The following TCF12 variants were observed in gnomAD, a reference collection of about 807,000 sequenced individuals.
The protein encoded by TCF12 is DNA-binding protein HTF4.
Under a neutral mutation model 86.0 loss-of-function variants are expected in TCF12, and 45 were observed. That is an observed-to-expected ratio of 0.52 (90% CI 0.41 to 0.67). The LOEUF (loss-of-function observed/expected upper bound fraction) is 0.67, where lower values mean the gene tolerates loss of function less well. Ranked by LOEUF, TCF12 falls within the 30% of genes least tolerant of loss-of-function variation. TCF12 has a pLI of 0.00. For missense variants in TCF12, 881 were observed against 859.9 expected (o/e 1.02, Z -0.31); for synonymous variants, 330 against 299.6 (o/e 1.10, Z -1.05).
chr15:57,036,743 C>G (rs142252144), intron 3 of TCF12, among the ~76,000 whole-genome samples: 4 of 152,192 alleles, frequency 2.6e-5, no homozygotes, highest in African/African-American at 9.6e-5. Context: ...ATTCTAAATA[C>G]AAATTCCTTA....
intron 20 of TCF12, among the ~76,000 whole-genome samples, chr15:57,283,611 T>C (rs2061795517): frequency 1.3e-5 from 2 of 152,216 alleles, no homozygotes; most frequent in African/African-American, 2.4e-5. Flanking sequence ...GTAGTTTTTT[T>C]CCCAATTTTA....
At chr15:57,166,346 G>T in intron 5 of TCF12, 56 bp from the exon 6 acceptor site, 2 of 1,436,142 alleles carry the variant, frequency 1.4e-6, no homozygotes, top group South Asian at 1.2e-5. Flanking sequence ...CTAGCAGTTT[G>T]ATTGTCTGTC....
chr15:57,177,491 G>A (rs373382283), intron 6 of TCF12, among the ~76,000 whole-genome samples: 34 of 151,106 alleles, frequency 2.3e-4, no homozygotes, highest in East Asian at 1.2e-3. Context: ...GGCTGCTCTC[G>A]AACTCCTGAC....
intron 6 of TCF12, among the ~76,000 whole-genome samples, chr15:57,184,207 G>C (rs1055185799): frequency 6.6e-6 from 1 of 151,688 alleles, no homozygotes; most frequent in African/African-American, 2.4e-5. Context: ...CAGACCATAC[G>C]TTTTCTGTTG....
At chr15:57,197,564 A>G (rs540277204) in intron 7 of TCF12, among the ~76,000 whole-genome samples, 2 of 152,220 alleles carry the variant, frequency 1.3e-5, no homozygotes, top group African/African-American at 2.4e-5. Flanking sequence ...TGGGATATGT[A>G]TTTTCAGAAT....
chr15:57,279,227 C>T (rs535747289), intron 19 of TCF12, among the ~76,000 whole-genome samples: 138 of 152,164 alleles, frequency 9.1e-4, no homozygotes, highest in African/African-American at 3.3e-3. Flanking sequence ...TTCTTAACCT[C>T]AGCAGCTATC....
chr15:57,106,640 A>G (rs905909976), intron 5 of TCF12, among the ~76,000 whole-genome samples: 6 of 152,218 alleles, frequency 3.9e-5, no homozygotes, highest in Non-Finnish European at 7.3e-5. Context: ...AGGCCACAGA[A>G]TGGGATATAA....
chr15:57,109,512 T>A (rs2050349305), intron 5 of TCF12, among the ~76,000 whole-genome samples: 1 of 152,224 alleles, frequency 6.6e-6, no homozygotes, highest in Non-Finnish European at 1.5e-5. Context: ...TTTCTATGAG[T>A]ATTCGAATTT....
At chr15:56,981,666 T>C (rs2062899799) in intron 3 of TCF12, among the ~76,000 whole-genome samples, 1 of 152,220 alleles carries the variant, frequency 6.6e-6, no homozygotes, top group Non-Finnish European at 1.5e-5. Flanking sequence ...ATATAACTTT[T>C]GACTCCTCCA....
intron 5 of TCF12, among the ~76,000 whole-genome samples, chr15:57,156,373 T>C (rs1294519004): frequency 6.6e-6 from 1 of 152,206 alleles, no homozygotes; most frequent in Non-Finnish European, 1.5e-5. Flanking sequence ...AGAGGTTTAA[T>C]GACTTATGTA....
intron 5 of TCF12, among the ~76,000 whole-genome samples, chr15:57,124,370 G>A (rs1297884242): frequency 6.6e-6 from 1 of 152,162 alleles, no homozygotes; most frequent in Non-Finnish European, 1.5e-5. Flanking sequence ...AGACTGGCTA[G>A]GGAATTTGGG....
intron 5 of TCF12, among the ~76,000 whole-genome samples, chr15:57,113,472 A>C (rs1361654926): frequency 1.3e-5 from 2 of 152,258 alleles, no homozygotes; most frequent in East Asian, 3.9e-4. Flanking sequence ...AATATGCCTG[A>C]AATATAGCAA....
chr15:57,081,068 C>G (rs1361438692), intron 4 of TCF12, among the ~76,000 whole-genome samples: 1 of 152,212 alleles, frequency 6.6e-6, no homozygotes, highest in Non-Finnish European at 1.5e-5. Context: ...CCAGTCCAAA[C>G]AGTTTACTAA....
chr15:57,121,961 C>T (rs901551256), intron 5 of TCF12, among the ~76,000 whole-genome samples: 1 of 151,882 alleles, frequency 6.6e-6, no homozygotes, highest in Non-Finnish European at 1.5e-5. Context: ...ACACAGTATA[C>T]CTATGGGTGA....
At chr15:56,963,049 T>A (rs35964981) in intron 3 of TCF12, among the ~76,000 whole-genome samples, 77 of 144,602 alleles carry the variant, frequency 5.3e-4, no homozygotes, top group African/African-American at 2.0e-3. Flanking sequence ...TTTTTTTTTT[T>A]ACCTTCTGTA....
At chr15:56,920,801 A>G (rs1342016179) in intron 2 of TCF12, among the ~76,000 whole-genome samples, 3 of 152,202 alleles carry the variant, frequency 2.0e-5, no homozygotes, top group Admixed American at 1.3e-4. Context: ...GGACTCTTCC[A>G]TGTAAATGAT....
At chr15:57,223,655 T>TTTTTTTTG (rs1566940817) in intron 8 of TCF12, among the ~76,000 whole-genome samples, 5 of 97,150 alleles carry the variant, frequency 5.1e-5, no homozygotes, top group African/African-American at 1.7e-4. Context: ...TTTTTTTTTT[T>TTTTTTTTG]TTTTTTTTTT....
chr15:57,101,047 C>T (rs1331080079), intron 5 of TCF12, among the ~76,000 whole-genome samples: 1 of 152,096 alleles, frequency 6.6e-6, no homozygotes, highest in Non-Finnish European at 1.5e-5. Flanking sequence ...TTTGTAATCT[C>T]CTTATTTCCA....
At chr15:56,943,871 T>C (rs2060883713) in intron 3 of TCF12, among the ~76,000 whole-genome samples, 1 of 152,184 alleles carries the variant, frequency 6.6e-6, no homozygotes, top group Non-Finnish European at 1.5e-5. Flanking sequence ...TTTAAAAAAT[T>C]ATTCCTGGAT....
Sources: allele counts gnomAD v4.1 joint callset (sites outside exome capture counted in the v4.1 genomes callset), GRCh38; gene constraint gnomAD v4.1.1; transcripts MANE v1.5; gene names NCBI Gene and HGNC (gene_info 2026-07-23, HGNC 2026-07-21).